The following ZNF804B variants were observed in gnomAD, a reference collection of about 807,000 sequenced individuals.
ZNF804B encodes zinc finger protein 804B, also known as zinc finger 804B.
ZNF804B carries 80 observed loss-of-function variants against 101.4 expected under a neutral mutation model. That is an observed-to-expected ratio of 0.79 (90% confidence interval 0.66 to 0.95). ZNF804B has a LOEUF of 0.95. Ranked by LOEUF, ZNF804B falls within the 40% of genes least tolerant of loss-of-function variation. The pLI, the probability that ZNF804B is intolerant of heterozygous loss-of-function variation, is 0.00. For missense variants in ZNF804B, 1,673 were observed against 1,561.9 expected (o/e 1.07, Z -1.20); for synonymous variants, 622 against 558.8 (o/e 1.11, Z -1.59).
chr7:88,960,114 A>C (rs890114209), intron 1 of ZNF804B, among the ~76,000 whole-genome samples: 5 of 151,570 alleles, frequency 3.3e-5, no homozygotes, highest in African/African-American at 1.2e-4. Flanking sequence ...CTGTTGTACA[A>C]ATTATTACAT....
intron 1 of ZNF804B, among the ~76,000 whole-genome samples, chr7:89,125,264 CA>C (rs1285190253): frequency 6.6e-6 from 1 of 151,644 alleles, no homozygotes; most frequent in East Asian, 1.9e-4. Context: ...TGAACAGAAG[CA>C]GTCCATTTTC....
At chr7:88,886,752 T>C (rs367872057) in intron 1 of ZNF804B, among the ~76,000 whole-genome samples, 3 of 151,612 alleles carry the variant, frequency 2.0e-5, no homozygotes, top group African/African-American at 4.9e-5. Flanking sequence ...GTAAAACTTA[T>C]GAAAAGTAAA....
At chr7:88,770,456 T>C (rs1327219164) in intron 1 of ZNF804B, among the ~76,000 whole-genome samples, 3 of 152,204 alleles carry the variant, frequency 2.0e-5, no homozygotes, top group Admixed American at 6.5e-5. Context: ...GATTCTCCCA[T>C]AGAGGCTCAA....
chr7:88,844,432 C>G lies in ZNF804B; in HGVS notation c.108+84348C>G, dbSNP rs183251617. Among the ~76,000 whole-genome samples the G allele has an allele frequency of 9.2e-5, 14 of 152,300 alleles. No individual in the cohort carries two copies. The East Asian group carries it at 2.3e-3, about 25-fold the overall frequency. On this transcript the variant is annotated intron_variant, in intron 1 of 3. Transcript: ENST00000333190. ...TTGACTAGTTGAAGAGAAAGTTCCA[C>G]CTATTTGTCTAATTCCTTCTTTGGC...
chr7:89,030,875 C>T (rs569492058), intron 1 of ZNF804B, among the ~76,000 whole-genome samples: 2 of 152,166 alleles, frequency 1.3e-5, no homozygotes, highest in Admixed American at 1.3e-4. Context: ...ATAGTGGTAG[C>T]TGCTAAATGT....
intron 1 of ZNF804B, among the ~76,000 whole-genome samples, chr7:89,033,474 C>A (rs1788872610): frequency 6.6e-6 from 1 of 152,060 alleles, no homozygotes; most frequent in Admixed American, 6.6e-5. Context: ...TGGATAAATA[C>A]TGAAAAGTGG....
chr7:88,968,440 A>C (rs577313822), intron 1 of ZNF804B, among the ~76,000 whole-genome samples: 1 of 151,524 alleles, frequency 6.6e-6, no homozygotes, highest in East Asian at 2.0e-4. Context: ...TAGCATTCTC[A>C]ACACTTTGCT....
At chr7:89,218,414 T>G (rs78003398) in intron 2 of ZNF804B, 119 bp downstream of exon 2, 1 of 1,185,160 alleles carries the variant, frequency 8.4e-7, no homozygotes, top group Admixed American at 2.7e-5. Flanking sequence ...ATTTTATGTC[T>G]TTTTTCCCCC....
intron 2 of ZNF804B, among the ~76,000 whole-genome samples, chr7:89,285,255 GCTCACGC>G (rs1790165721): frequency 1.3e-5 from 2 of 151,762 alleles, no homozygotes; most frequent in African/African-American, 4.8e-5. Context: ...GGGCACGGTG[GCTCACGC>G]CTGTAATCCC....
chr7:88,985,559 T>C (rs1297142465), intron 1 of ZNF804B, among the ~76,000 whole-genome samples: 1 of 151,948 alleles, frequency 6.6e-6, no homozygotes, highest in African/African-American at 2.4e-5. Flanking sequence ...ACAGCAGGAG[T>C]GCTTTCGTAG....
At chr7:89,250,500 T>C (rs1789521491) in intron 2 of ZNF804B, among the ~76,000 whole-genome samples, 1 of 152,150 alleles carries the variant, frequency 6.6e-6, no homozygotes, top group African/African-American at 2.4e-5. Context: ...ACAGCAGAAT[T>C]CTACCAGACA....
intron 1 of ZNF804B, among the ~76,000 whole-genome samples, chr7:88,854,610 CTTTT>C (rs1182088078): frequency 8.2e-6 from 1 of 122,264 alleles, no homozygotes; most frequent in Non-Finnish European, 1.7e-5. Context: ...CCTTTCTTCG[CTTTT>C]TTTTTATGCT....
Position 89,254,291 on chromosome 7 carries a change from C to G in ZNF804B, c.249+35996C>G, listed in dbSNP as rs184767559. Reference sequence around the variant, plus strand: ...TAAATATTAATATTCAGAAGAAAACCGCATTTTTAGATAACAGTAAAAATC... The same window carrying G: ...TAAATATTAATATTCAGAAGAAAACGGCATTTTTAGATAACAGTAAAAATC... On this transcript the variant is annotated intron_variant, in intron 2 of 3. Coordinates refer to ENST00000333190, the MANE Select transcript of ZNF804B (RefSeq NM_181646.5). Among the ~76,000 whole-genome samples the G allele has an allele frequency of 2.7e-3, 405 of 151,268 alleles. 1 individual carries two copies. Among genetic ancestry groups the G allele is most frequent in the African/African-American group, 8.7e-3 (361 of 41,270 alleles).
In ZNF804B at chr7:88,986,268, A is replaced by C. The variant is rs1191272653; in HGVS notation, c.108+226184A>C. On this transcript the variant is annotated intron_variant, in intron 1 of 3. Coordinates refer to ENST00000333190, the MANE Select transcript of ZNF804B (RefSeq NM_181646.5). ...TTATTCTCATACTTCCAACCTCTTC[A>C]AAGCAAGATGGAGCTAGTGATGACT... Among the ~76,000 whole-genome samples the C allele has an allele frequency of 2.0e-5, 3 of 152,070 alleles. No individual in the cohort carries two copies. In the East Asian group the frequency reaches 5.8e-4, roughly 29 times the overall value.
chr7:89,247,350 T>C (rs1584080997), intron 2 of ZNF804B, among the ~76,000 whole-genome samples: 2 of 152,318 alleles, frequency 1.3e-5, no homozygotes, highest in East Asian at 3.9e-4. Context: ...AGAGGGCTTC[T>C]GCCATTAAAC....
intron 1 of ZNF804B, among the ~76,000 whole-genome samples, chr7:89,144,060 A>G (rs925160518): frequency 1.3e-5 from 2 of 152,098 alleles, no homozygotes; most frequent in East Asian, 3.9e-4. Context: ...AAAAAAGTAG[A>G]TATTTATTTG....
At chr7:89,276,719 A>T (rs1484964229) in intron 2 of ZNF804B, among the ~76,000 whole-genome samples, 3 of 151,878 alleles carry the variant, frequency 2.0e-5, no homozygotes, top group South Asian at 2.1e-4. Flanking sequence ...TCTTTAATGG[A>T]TATTTGACTA....
At chr7:89,103,066 T>G (rs1481933675) in intron 1 of ZNF804B, among the ~76,000 whole-genome samples, 3 of 140,634 alleles carry the variant, frequency 2.1e-5, no homozygotes, top group African/African-American at 5.2e-5. Context: ...TTTTTTTTTT[T>G]TTTTTTTTTT....
intron 1 of ZNF804B, among the ~76,000 whole-genome samples, chr7:89,051,554 A>G (rs957756463): frequency 1.3e-5 from 2 of 152,176 alleles, no homozygotes; most frequent in Non-Finnish European, 2.9e-5. Context: ...CAATTTTAAT[A>G]TATGCCAATC....
Sources: allele counts gnomAD v4.1 joint callset (sites outside exome capture counted in the v4.1 genomes callset), GRCh38; gene constraint gnomAD v4.1.1; transcripts MANE v1.5; gene names NCBI Gene and HGNC (gene_info 2026-07-23, HGNC 2026-07-21).